Variants in RFX8 observed in about 807,000 individuals in gnomAD.
RFX8 encodes the protein DNA-binding protein RFX8.
RFX8 carries 46 observed loss-of-function variants against 54.6 expected under a neutral mutation model. The ratio of observed to expected loss-of-function variants is 0.84; its 90% confidence interval spans 0.67 to 1.08. The LOEUF is 1.08. Among genes scored for constraint, RFX8 ranks in the 50% least tolerant of loss-of-function variants. The pLI, the probability that RFX8 is intolerant of heterozygous loss-of-function variation, is 0.00. For synonymous variants in RFX8, 192 were observed against 209.5 expected, an observed-to-expected ratio of 0.92 and a Z score of 0.72; for missense variants, 536 against 562.3, an observed-to-expected ratio of 0.95 and a Z score of 0.47.
intron 2 of RFX8, among the ~76,000 whole-genome samples, chr2:101,456,729 A>G (rs1235371598): frequency 6.6e-6 from 1 of 152,202 alleles, no homozygotes; most frequent in Non-Finnish European, 1.5e-5. Context: ...ATGGCCTCAT[A>G]AAATGAGTTA....
At chr2:101,426,422 G>A (rs1687172077) in intron 2 of RFX8, among the ~76,000 whole-genome samples, 1 of 152,170 alleles carries the variant, frequency 6.6e-6, no homozygotes, top group African/African-American at 2.4e-5. Flanking sequence ...AGGAGGCTGA[G>A]GTGAGAAGTT....
intron 1 of RFX8, among the ~76,000 whole-genome samples, chr2:101,472,715 T>A (rs1025117305): frequency 6.6e-6 from 1 of 152,114 alleles, no homozygotes; most frequent in African/African-American, 2.4e-5. Flanking sequence ...AATCTCATAA[T>A]GTTTTAACAA....
intron 2 of RFX8, among the ~76,000 whole-genome samples, chr2:101,425,572 A>G (rs1375590523): frequency 6.6e-6 from 1 of 152,242 alleles, no homozygotes; most frequent in Non-Finnish European, 1.5e-5. Flanking sequence ...AACAATTACA[A>G]GGAGAATATA....
intron 1 of RFX8, among the ~76,000 whole-genome samples, chr2:101,468,301 GA>G (rs1381826816): frequency 6.6e-6 from 1 of 152,180 alleles, no homozygotes; most frequent in East Asian, 1.9e-4. Context: ...GGCTCTGAGG[GA>G]GACCCTGCTC....
chr2:101,397,441 T>C lies in RFX8; in HGVS notation c.*107A>G, dbSNP rs1685189499. 3.2e-6 allele frequency: 2 copies of C among 633,380 alleles called. No homozygotes were observed. Among genetic ancestry groups the C allele is most frequent in the Non-Finnish European group, 5.0e-6 (2 of 401,310 alleles). 39.2% of individuals were successfully genotyped at this position (633,380 alleles called of 1,614,324 possible). A position where few individuals can be genotyped will look rare whatever the true frequency, so the allele number is the denominator to read the frequency against. On this transcript the variant is annotated 3_prime_UTR_variant, in exon 12 of 12. Transcript: ENST00000428343. ...AACATAAAATAGACAATGCTACATC[T>C]ATTATATACATAACATCATCTTTCG...
At chr2:101,459,692 G>A (rs1457126049) in intron 2 of RFX8, among the ~76,000 whole-genome samples, 2 of 152,172 alleles carry the variant, frequency 1.3e-5, no homozygotes, top group African/African-American at 2.4e-5. Flanking sequence ...TGGGGGTCAG[G>A]GATCCACTTA....
chr2:101,465,234 C>T (rs903593864), intron 2 of RFX8, among the ~76,000 whole-genome samples: 15 of 152,218 alleles, frequency 9.9e-5, no homozygotes, highest in African/African-American at 2.9e-4. Flanking sequence ...AATAGGTGGC[C>T]GGGCACACTG....
At chr2:101,460,457 G>T (rs534708189) in intron 2 of RFX8, among the ~76,000 whole-genome samples, 1 of 152,264 alleles carries the variant, frequency 6.6e-6, no homozygotes, top group Non-Finnish European at 1.5e-5. Context: ...TTAGTGAAAT[G>T]CTATCTTGTT....
intron 2 of RFX8, among the ~76,000 whole-genome samples, chr2:101,425,531 A>G (rs1687121168): frequency 6.6e-6 from 1 of 152,238 alleles, no homozygotes; most frequent in Non-Finnish European, 1.5e-5. Context: ...AGAAGAAAAC[A>G]TCTGACAATG....
At chr2:101,443,537 G>A (rs1489271550) in intron 2 of RFX8, among the ~76,000 whole-genome samples, 2 of 150,424 alleles carry the variant, frequency 1.3e-5, no homozygotes, top group East Asian at 3.9e-4. Context: ...TTCCTTTCCT[G>A]CCTCTAATAC....
At chr2:101,448,057 T>C (rs1425449112) in intron 2 of RFX8, among the ~76,000 whole-genome samples, 1 of 152,212 alleles carries the variant, frequency 6.6e-6, no homozygotes, top group African/African-American at 2.4e-5. Flanking sequence ...TTTATAAGGT[T>C]ATTAATCCCA....
chr2:101,439,360 C>T (rs1326449666), intron 2 of RFX8, among the ~76,000 whole-genome samples: 1 of 152,154 alleles, frequency 6.6e-6, no homozygotes, highest in African/African-American at 2.4e-5. Flanking sequence ...TTCACATGGG[C>T]TTTCTAAGAG....
chr2:101,421,833 A>G (rs1259658649), intron 3 of RFX8, 56 bp from the exon 4 acceptor site: 3 of 1,308,466 alleles, frequency 2.3e-6, no homozygotes, highest in Non-Finnish European at 3.2e-6. Context: ...TAATGAACTG[A>G]TCTTCACAGA....
intron 8 of RFX8, among the ~76,000 whole-genome samples, 176 bp downstream of exon 8, chr2:101,412,739 C>T (rs1429945714): frequency 6.6e-6 from 1 of 152,164 alleles, no homozygotes; most frequent in Non-Finnish European, 1.5e-5. Flanking sequence ...AGGGACAGGG[C>T]GTCCCCTGGG....
Position 101,397,638 on chromosome 2 carries a change from TA to T in RFX8, c.1331del (p.Leu444GlnfsTer8), listed in dbSNP as rs1334746287. 1 of 1,551,540 alleles carries T rather than the reference TA, an allele frequency of 6.4e-7. No homozygotes were observed. ...GAATCACAAATTGTTGTCCATCTTT[TA>T]GGGTTATGAGGGCTTCTTGTCCCAT... is the stretch of plus-strand genomic sequence containing the variant. Reference protein sequence around the residue: ...LPMGQEALITLKDGQQFVIQI... With the variant: ...LPMGQEALITXKDGQQFVIQI... On this transcript the variant is annotated frameshift_variant, in exon 12 of 12. Transcript: ENST00000428343. LOFTEE classifies it high-confidence loss of function.
chr2:101,473,371 T>C (rs949425301), intron 1 of RFX8, among the ~76,000 whole-genome samples: 5 of 152,216 alleles, frequency 3.3e-5, no homozygotes, highest in African/African-American at 1.2e-4. Context: ...TGTGTAACAC[T>C]GAAAAACGCT....
At chr2:101,437,648 A>G (rs1166271734) in intron 2 of RFX8, among the ~76,000 whole-genome samples, 1 of 152,154 alleles carries the variant, frequency 6.6e-6, no homozygotes, top group Non-Finnish European at 1.5e-5. Flanking sequence ...GGAAGGAAAG[A>G]AATAATTCAG....
At position 101,469,110 on chromosome 2, in the gene RFX8, G is replaced by GTA. The variant is rs1335328653; in HGVS notation, c.-52-2212_-52-2211dup. On this transcript the variant is annotated intron_variant, in intron 1 of 11. Transcript: ENST00000428343. The stretch of plus-strand genomic sequence containing the variant: ...TATATATAAGTATATATATATAAGT[G>GTA]TATATATATATAAGTATATATATAT... Among the ~76,000 whole-genome samples the GTA allele has an allele frequency of 2.4e-3, 56 of 23,632 alleles. 2 individuals carry two copies. In the South Asian group the frequency reaches 0.038, roughly 16 times the overall value. 15.5% of individuals were successfully genotyped at this position (23,632 alleles called of 152,430 possible).
intron 2 of RFX8, among the ~76,000 whole-genome samples, chr2:101,465,080 T>C (rs569737480): frequency 1.3e-5 from 2 of 152,296 alleles, no homozygotes; most frequent in African/African-American, 4.8e-5. Context: ...TCCCAGCTAC[T>C]GGGAAAAGCT....
Sources: gnomAD v4.1 joint callset for allele counts (sites outside exome capture counted in the v4.1 genomes callset) on GRCh38, gnomAD v4.1.1 for gene constraint, MANE v1.5 for transcripts, NCBI Gene and HGNC (gene_info 2026-07-23, HGNC 2026-07-21) for gene names.